The following SLC38A2 variants were observed in gnomAD, a reference collection of about 807,000 sequenced individuals.
SLC38A2 encodes sodium-coupled neutral amino acid symporter 2.
SLC38A2 carries 11 observed loss-of-function variants against 61.5 expected under a neutral mutation model. The observed-to-expected ratio is 0.18, with a 90% confidence interval of 0.11 to 0.30. SLC38A2 has a LOEUF of 0.30. Among genes scored for constraint, SLC38A2 ranks in the 10% least tolerant of loss-of-function variants. The probability of loss-of-function intolerance (pLI) is 1.00; values close to 1 mark genes in which losing one functional copy is unlikely to be tolerated. For missense variants in SLC38A2, 522 were observed against 600.4 expected (o/e 0.87, Z 1.36); for synonymous variants, 217 against 212.5 (o/e 1.02, Z -0.18).
chr12:46,362,210 G>T, intron 15 of SLC38A2, 74 bp downstream of exon 15: 1 of 1,188,984 alleles, frequency 8.4e-7, no homozygotes, highest in Non-Finnish European at 1.2e-6. Context: ...TAACAGCTAT[G>T]AGAATAAAAT....
chr12:46,367,689 G>A (rs1943153321), intron 4 of SLC38A2, among the ~76,000 whole-genome samples: 1 of 152,174 alleles, frequency 6.6e-6, no homozygotes, highest in Non-Finnish European at 1.5e-5. Flanking sequence ...TGAGCTGTAT[G>A]CTTGCCACCT....
At chr12:46,370,900 A>T in intron 2 of SLC38A2, 43 bp from the exon 3 acceptor site, 1 of 1,432,786 alleles carries the variant, frequency 7.0e-7, no homozygotes, top group Non-Finnish European at 9.7e-7. Context: ...CTGGATTGAA[A>T]TATCTATCAT....
At chr12:46,363,274 G>T in intron 12 of SLC38A2, 129 bp from the exon 13 acceptor site, 1 of 1,104,630 alleles carries the variant, frequency 9.1e-7, no homozygotes, top group Non-Finnish European at 1.3e-6. Context: ...AGGCTAATAA[G>T]ATTTGTTTGG....
chr12:46,362,184 G>T, intron 15 of SLC38A2, 100 bp downstream of exon 15: 1 of 977,888 alleles, frequency 1.0e-6, no homozygotes, highest in Non-Finnish European at 1.5e-6. Context: ...AAACTTAAAA[G>T]TGAAACCATA....
intron 8 of SLC38A2, 90 bp from the exon 9 acceptor site, chr12:46,364,792 T>C (rs1592204216): frequency 7.6e-7 from 1 of 1,319,188 alleles, no homozygotes; most frequent in South Asian, 1.3e-5. Context: ...TCAATTCTGC[T>C]GGGAAGACTT....
Position 46,364,465 on chromosome 12 carries a change from G to T in SLC38A2, c.797C>A (p.Ala266Asp), listed in dbSNP as rs767605919. 2 of 1,613,014 alleles carry T rather than the reference G, an allele frequency of 1.2e-6. No homozygotes were observed. The highest frequency in any genetic ancestry group is 1.7e-6 in the Non-Finnish European group (2 of 1,179,424). Residue 266 changes from alanine to aspartate, a missense_variant, in exon 10 of 16, where the codon GCT (alanine) becomes GAT (aspartate). Coordinates refer to ENST00000256689, the MANE Select transcript of SLC38A2 (RefSeq NM_018976.5). ...GTTATGTGACAAAGCAGGTACAAGA[G>T]CTGTTGGCTGTGTTAAGGTGGTGTT... ...TINTTLTQPT[A>D]LVPALSHNVT...
At chr12:46,369,327 G>T (rs1943170617) in intron 4 of SLC38A2, among the ~76,000 whole-genome samples, 1 of 152,174 alleles carries the variant, frequency 6.6e-6, no homozygotes, top group African/African-American at 2.4e-5. Context: ...CTCTCAAAAA[G>T]CCTCATCCTA....
intron 3 of SLC38A2, 38 bp downstream of exon 3, chr12:46,370,732 ACTCCAT>A: frequency 6.5e-7 from 1 of 1,548,524 alleles, no homozygotes; most frequent in Non-Finnish European, 8.9e-7. Context: ...CTATTCTTTT[ACTCCAT>A]AAAGCCACTG....
rs1390237923 is a variant in SLC38A2, at chr12:46,358,380, CATTTT to C, written c.*2726_*2730del. On this transcript the variant is annotated 3_prime_UTR_variant, in exon 16 of 16. Coordinates refer to ENST00000256689, the MANE Select transcript of SLC38A2 (RefSeq NM_018976.5). ...AAAGGTCTTCCATTACACTAGATCA[CATTTT>C]ATTTCATTACACTAGATCACATTTT... 7 of 151,976 alleles carry C rather than the reference CATTTT, an allele frequency of 4.6e-5. No individual in the cohort carries two copies. The highest frequency in any genetic ancestry group is 1.2e-4 in the African/African-American group (5 of 41,334). 9.4% of individuals were successfully genotyped at this position (151,976 alleles called of 1,614,324 possible).
chr12:46,364,271 C>G, intron 10 of SLC38A2, 118 bp downstream of exon 10: 7 of 1,093,950 alleles, frequency 6.4e-6, no homozygotes, highest in Non-Finnish European at 9.0e-6. Flanking sequence ...CAATAATTAG[C>G]TAATCACATG....
chr12:46,363,882 GTCTAATAT>G, intron 11 of SLC38A2, 34 bp downstream of exon 11: 1 of 1,594,352 alleles, frequency 6.3e-7, no homozygotes, highest in East Asian at 2.2e-5. Context: ...TACAGCAATT[GTCTAATAT>G]TTTCTCAAAT....
At chr12:46,364,802 T>C (rs1177490216) in intron 8 of SLC38A2, 100 bp from the exon 9 acceptor site, 15 of 1,181,388 alleles carry the variant, frequency 1.3e-5, no homozygotes, top group Non-Finnish European at 1.7e-5. Flanking sequence ...TGGGAAGACT[T>C]TAGGCACTAA....
chr12:46,370,925 CT>C, intron 2 of SLC38A2, 68 bp from the exon 3 acceptor site: 1 of 1,239,558 alleles, frequency 8.1e-7, no homozygotes, highest in Non-Finnish European at 1.1e-6. Flanking sequence ...CACAAGACTG[CT>C]TTAACATAAA....
chr12:46,371,151 T>C (rs1444187797), intron 2 of SLC38A2, 27 bp downstream of exon 2: 1 of 1,607,148 alleles, frequency 6.2e-7, no homozygotes, highest in South Asian at 1.1e-5. Context: ...CAAGCCGTTT[T>C]TTCAAAAGTG....
chr12:46,364,457 G>A lies in SLC38A2; in HGVS notation c.805C>T (p.Pro269Ser). 1 of 1,611,710 alleles carries A rather than the reference G, an allele frequency of 6.2e-7. No individual in the cohort carries two copies. Among genetic ancestry groups the A allele is most frequent in the East Asian group, 2.2e-5 (1 of 44,854 alleles). Residue 269 changes from proline (P) to serine (S), a missense_variant, in exon 10 of 16, where the codon CCT becomes TCT. By Grantham distance (74) the Pro-to-Ser change is moderately conservative (BLOSUM62 -1). Around this residue, in one of 3 missense-constraint regions of SLC38A2, gnomAD observed 309 missense variants for 343.9 expected, o/e 0.90. Coordinates refer to ENST00000256689, the MANE Select transcript of SLC38A2 (RefSeq NM_018976.5). Reference sequence around the variant, plus strand: ...TCAGTCACGTTATGTGACAAAGCAGGTACAAGAGCTGTTGGCTGTGTTAAG... The same window carrying A: ...TCAGTCACGTTATGTGACAAAGCAGATACAAGAGCTGTTGGCTGTGTTAAG... ...TTLTQPTALV[P>S]ALSHNVTEND...
intron 2 of SLC38A2, 147 bp downstream of exon 2, chr12:46,371,031 C>A: frequency 1.2e-6 from 1 of 847,810 alleles, no homozygotes; most frequent in Non-Finnish European, 1.9e-6. Context: ...CTTGTCATTA[C>A]AACAAGATAA....
At position 46,359,593 on chromosome 12, in the gene SLC38A2, T is replaced by C. The variant is rs535127177; in HGVS notation, c.*1518A>G. On this transcript the variant is annotated 3_prime_UTR_variant, in exon 16 of 16. Transcript: ENST00000256689. ...CCTTCAACCACTTAATGGAATTATG[T>C]ATATTAGATTTTAGACATTATGCCT... 1 of 152,734 alleles carries C rather than the reference T, an allele frequency of 6.5e-6. No homozygotes were observed. Among genetic ancestry groups the C allele is most frequent in the East Asian group, 1.9e-4 (1 of 5,188 alleles). 9.5% of individuals were successfully genotyped at this position (152,734 alleles called of 1,614,324 possible).
intron 12 of SLC38A2, 48 bp downstream of exon 12, chr12:46,363,678 G>A (rs533086506): frequency 4.1e-5 from 49 of 1,209,836 alleles, no homozygotes; most frequent in Non-Finnish European, 5.5e-5. Flanking sequence ...TTCAATAAGC[G>A]TTTTTTTTTG....
At chr12:46,370,726 T>C in intron 3 of SLC38A2, 50 bp downstream of exon 3, 1 of 1,527,656 alleles carries the variant, frequency 6.5e-7, no homozygotes, top group Non-Finnish European at 9.0e-7. Flanking sequence ...GTAAAACTAT[T>C]CTTTTACTCC....
Sources: gnomAD v4.1 joint callset for allele counts (sites outside exome capture counted in the v4.1 genomes callset) on GRCh38, gnomAD v4.1.1 for gene constraint, gnomAD v4.1.1 regional missense constraint, MANE v1.5 for transcripts, NCBI Gene and HGNC (gene_info 2026-07-23, HGNC 2026-07-21) for gene names.